Variants in KDM4B observed in about 807,000 individuals in gnomAD.
The protein encoded by KDM4B is lysine demethylase 4B, also known as lysine-specific demethylase 4B.
A neutral mutation model predicts 125.2 loss-of-function variants in KDM4B; 32 were observed. That is an observed-to-expected ratio of 0.26 (90% CI 0.19 to 0.34). The LOEUF is 0.34. Ranked by LOEUF, KDM4B falls within the 10% of genes least tolerant of loss-of-function variation. KDM4B has a pLI of 1.00. For missense variants in KDM4B, 1,190 were observed against 1,577.7 expected, an observed-to-expected ratio of 0.75 and a Z score of 4.16; for synonymous variants, 721 against 677.9, an observed-to-expected ratio of 1.06 and a Z score of -0.99.
chr19:5,122,347 T>C (rs918874212), intron 11 of KDM4B, among the ~76,000 whole-genome samples: 4 of 152,198 alleles, frequency 2.6e-5, no homozygotes, highest in African/African-American at 9.7e-5. Context: ...CTCTCCCATG[T>C]CAGGGTCCTT....
At chr19:4,992,164 G>A (rs2035051052) in intron 1 of KDM4B, among the ~76,000 whole-genome samples, 1 of 152,248 alleles carries the variant, frequency 6.6e-6, no homozygotes, top group East Asian at 1.9e-4. Context: ...GCGGTTCCAG[G>A]AATCTGTGCA....
At chr19:5,126,013 G>A (rs532485030) in intron 11 of KDM4B, among the ~76,000 whole-genome samples, 80 of 152,314 alleles carry the variant, frequency 5.3e-4, no homozygotes, top group Non-Finnish European at 1.1e-3. Context: ...TTCCTAAAGC[G>A]GTTTCTGGTC....
At chr19:5,034,297 C>T (rs1394946917) in intron 3 of KDM4B, among the ~76,000 whole-genome samples, 1 of 152,168 alleles carries the variant, frequency 6.6e-6, no homozygotes, top group African/African-American at 2.4e-5. Context: ...CTTCCAGTTG[C>T]CTGCTGTTTG....
Position 5,138,084 on chromosome 19 carries a change from G to C in KDM4B, c.2550+14G>C. 1 of 1,600,276 alleles carries C rather than the reference G, an allele frequency of 6.2e-7. No homozygotes were observed. The highest frequency in any genetic ancestry group is 8.5e-7 in the Non-Finnish European group (1 of 1,171,364). On this transcript the variant is annotated intron_variant, in intron 18 of 22. Coordinates refer to ENST00000159111, the MANE Select transcript of KDM4B (RefSeq NM_015015.3). ...CGGTGGAAGCTGGTAGGTCCTTGCG[G>C]TCGAGGCCCACCCTGCCCGTGCCTC...
chr19:5,144,720 A>G, intron 20 of KDM4B, 63 bp from the exon 21 acceptor site: 1 of 1,600,538 alleles, frequency 6.2e-7, no homozygotes, highest in Non-Finnish European at 8.5e-7. Flanking sequence ...AGGGTCTAAA[A>G]CCCAGCGACA....
At chr19:5,063,561 G>T (rs953654830) in intron 6 of KDM4B, among the ~76,000 whole-genome samples, 1 of 152,154 alleles carries the variant, frequency 6.6e-6, no homozygotes, top group Non-Finnish European at 1.5e-5. Flanking sequence ...TTCTGGTGGG[G>T]CCTGTGTTGA....
At chr19:5,045,642 T>C (rs1395447037) in intron 5 of KDM4B, among the ~76,000 whole-genome samples, 2 of 152,118 alleles carry the variant, frequency 1.3e-5, no homozygotes, top group Non-Finnish European at 1.5e-5. Flanking sequence ...GCCCAGCTAA[T>C]TTTTGAATTT....
At chr19:5,087,997 C>T (rs1475408348) in intron 9 of KDM4B, among the ~76,000 whole-genome samples, 1 of 152,178 alleles carries the variant, frequency 6.6e-6, no homozygotes, top group African/African-American at 2.4e-5. Context: ...GAGCTAAATG[C>T]CAGGCAGGAG....
intron 9 of KDM4B, among the ~76,000 whole-genome samples, chr19:5,107,688 G>A (rs2039061589): frequency 2.6e-5 from 4 of 152,296 alleles, no homozygotes; most frequent in Admixed American, 6.5e-5. Context: ...AGAAGAGGCC[G>A]GAGTTGGTGG....
chr19:5,033,700 C>T (rs150887468), intron 3 of KDM4B, among the ~76,000 whole-genome samples: 61 of 152,294 alleles, frequency 4.0e-4, no homozygotes, highest in African/African-American at 1.2e-3. Flanking sequence ...CTCCCTGTCC[C>T]GACCCAGTCC....
intron 2 of KDM4B, among the ~76,000 whole-genome samples, 166 bp downstream of exon 2, chr19:5,016,505 A>G (rs1263628715): frequency 1.3e-5 from 2 of 152,248 alleles, no homozygotes; most frequent in Non-Finnish European, 2.9e-5. Flanking sequence ...CCTGCGGGCC[A>G]TGGTAGGGAG....
intron 9 of KDM4B, among the ~76,000 whole-genome samples, chr19:5,109,156 G>A (rs905448236): frequency 2.0e-5 from 3 of 152,226 alleles, no homozygotes; most frequent in Admixed American, 6.5e-5. Context: ...AACACTCAGC[G>A]TTTGGGCCTC....
At chr19:5,031,282 C>T (rs943681497) in intron 2 of KDM4B, among the ~76,000 whole-genome samples, 25 of 152,326 alleles carry the variant, frequency 1.6e-4, no homozygotes, top group East Asian at 1.2e-3. Context: ...GGAGGCCCCG[C>T]GCAGTCAGAG....
chr19:5,038,859 C>T (rs2036715604), intron 3 of KDM4B, among the ~76,000 whole-genome samples: 1 of 152,268 alleles, frequency 6.6e-6, no homozygotes, highest in African/African-American at 2.4e-5. Context: ...GTGGTGCTGT[C>T]ACCCTCCCTG....
chr19:4,991,011 C>A (rs2035014119), intron 1 of KDM4B, among the ~76,000 whole-genome samples: 1 of 152,052 alleles, frequency 6.6e-6, no homozygotes, highest in African/African-American at 2.4e-5. Flanking sequence ...GTCCCAGCTA[C>A]TAGGGAGGGG....
intron 6 of KDM4B, among the ~76,000 whole-genome samples, chr19:5,063,318 G>A (rs191777155): frequency 6.4e-4 from 98 of 152,218 alleles, no homozygotes; most frequent in East Asian, 3.9e-3. Context: ...ATTTTCTTGC[G>A]TGTTCTTTGT....
intron 11 of KDM4B, among the ~76,000 whole-genome samples, chr19:5,121,690 T>C (rs2039364929): frequency 6.6e-6 from 1 of 151,908 alleles, no homozygotes; most frequent in African/African-American, 2.4e-5. Context: ...AAGAAAGAAT[T>C]CCTAAATAAA....
chr19:5,073,802 CT>C (rs1190402303), intron 7 of KDM4B, among the ~76,000 whole-genome samples: 1 of 152,126 alleles, frequency 6.6e-6, no homozygotes, highest in Non-Finnish European at 1.5e-5. Context: ...CTTGGTGGTG[CT>C]TTCACAGGGG....
Position 5,144,865 on chromosome 19 carries a change from C to T in KDM4B, c.2984C>T (p.Ala995Val), listed in dbSNP as rs1204634833. ...LRWTDGNLYK[A>V]KFISSVTSHI... The stretch of plus-strand genomic sequence containing the variant: ...TGGACTGACGGCAACCTCTACAAGG[C>T]CAAGTTCATCTCCTCCGTCACCAGC... Residue 995 changes from alanine (A) to valine (V), a missense_variant, in exon 21 of 23, where the codon GCC becomes GTC. By Grantham distance (64) the Ala-to-Val change is moderately conservative. This residue lies in a region of KDM4B where 298 missense variants were observed against 439.7 expected (regional missense o/e 0.68). Transcript: ENST00000159111. 1.2e-6 allele frequency: 2 copies of T among 1,612,878 alleles called. No homozygotes were observed. The highest frequency in any genetic ancestry group is 3.3e-5 in the Admixed American group (2 of 59,850).
Sources: allele counts gnomAD v4.1 joint callset (sites outside exome capture counted in the v4.1 genomes callset), GRCh38; gene constraint gnomAD v4.1.1; regional missense constraint gnomAD v4.1.1; transcripts MANE v1.5; gene names NCBI Gene and HGNC (gene_info 2026-07-23, HGNC 2026-07-21).